Variants in DNAAF11 observed in about 807,000 individuals in gnomAD.
DNAAF11 encodes the protein leucine rich repeat containing 6.
DNAAF11 carries 45 observed loss-of-function variants against 60.8 expected under a neutral mutation model. The ratio of observed to expected loss-of-function variants is 0.74; its 90% CI spans 0.58 to 0.95. The LOEUF (loss-of-function observed/expected upper bound fraction) is 0.95. DNAAF11 is among the 40% of genes least tolerant of loss of function. The pLI is 0.00. For missense variants in DNAAF11, 546 were observed against 546.2 expected, an observed-to-expected ratio of 1.00 and a Z score of 0.00; for synonymous variants, 191 against 183.5, an observed-to-expected ratio of 1.04 and a Z score of -0.33.
At chr8:132,628,353 G>A (rs1054789348) in intron 5 of DNAAF11, among the ~76,000 whole-genome samples, 6 of 151,982 alleles carry the variant, frequency 3.9e-5, no homozygotes, top group African/African-American at 1.2e-4. Context: ...CAGAGATTGC[G>A]GTGAGCCGAG....
intron 11 of DNAAF11, among the ~76,000 whole-genome samples, chr8:132,583,284 G>A (rs976775765): frequency 3.3e-5 from 5 of 152,150 alleles, no homozygotes; most frequent in African/African-American, 1.2e-4. Flanking sequence ...GCATGTCATA[G>A]CTACATGACC....
At chr8:132,673,296 C>A (rs1825368448) in intron 1 of DNAAF11, among the ~76,000 whole-genome samples, 1 of 152,120 alleles carries the variant, frequency 6.6e-6, no homozygotes, top group African/African-American at 2.4e-5. Context: ...TCCTTCCCTG[C>A]CTTAAAAGGC....
intron 11 of DNAAF11, among the ~76,000 whole-genome samples, chr8:132,583,203 G>C (rs1393405050): frequency 6.6e-6 from 1 of 152,070 alleles, no homozygotes; most frequent in Non-Finnish European, 1.5e-5. Context: ...GAGAGTTGAG[G>C]CATCTGTGGA....
Position 132,572,273 on chromosome 8 carries a change from G to A in DNAAF11, c.*33C>T, listed in dbSNP as rs1814269525. 6.3e-7 allele frequency: 1 copy of A among 1,595,470 alleles called. No homozygotes were observed. Among genetic ancestry groups the A allele is most frequent in the Non-Finnish European group, 8.5e-7 (1 of 1,170,752 alleles). On this transcript the variant is annotated 3_prime_UTR_variant, in exon 12 of 12. Transcript: ENST00000620350. Reference sequence around the variant, plus strand: ...TACACCAACCAAAACTGGACCTGGTGGGTCTCAGCCAATGGCAACGCAGCC... The same window carrying A: ...TACACCAACCAAAACTGGACCTGGTAGGTCTCAGCCAATGGCAACGCAGCC...
At chr8:132,629,595 T>C (rs1190792415) in intron 5 of DNAAF11, among the ~76,000 whole-genome samples, 1 of 151,964 alleles carries the variant, frequency 6.6e-6, no homozygotes. Flanking sequence ...GATCCGCCCA[T>C]CTCAGCCTCC....
At chr8:132,597,203 A>G (rs1230397846) in intron 10 of DNAAF11, among the ~76,000 whole-genome samples, 1 of 152,100 alleles carries the variant, frequency 6.6e-6, no homozygotes, top group Non-Finnish European at 1.5e-5. Context: ...ATACAGATTC[A>G]TGGATATAAA....
intron 7 of DNAAF11, among the ~76,000 whole-genome samples, chr8:132,618,688 C>T (rs1819438546): frequency 6.7e-6 from 1 of 150,102 alleles, no homozygotes; most frequent in African/African-American, 2.5e-5. Context: ...CCAAAAAACA[C>T]ATGAAAAAAT....
intron 3 of DNAAF11, among the ~76,000 whole-genome samples, chr8:132,650,722 G>C (rs901849097): frequency 1.3e-5 from 2 of 152,044 alleles, no homozygotes; most frequent in African/African-American, 4.8e-5. Flanking sequence ...GATATATTTG[G>C]GGTAATCTGA....
chr8:132,663,754 G>A (rs964396183), intron 1 of DNAAF11, among the ~76,000 whole-genome samples: 1 of 152,206 alleles, frequency 6.6e-6, no homozygotes, highest in Non-Finnish European at 1.5e-5. Context: ...CTCTGTTCAA[G>A]GGGCTCCAAG....
chr8:132,653,595 A>G (rs1823241544), intron 3 of DNAAF11, among the ~76,000 whole-genome samples: 1 of 152,182 alleles, frequency 6.6e-6, no homozygotes. Flanking sequence ...GGCACATATT[A>G]TATAAAGATG....
chr8:132,649,285 T>C (rs1822748944), intron 3 of DNAAF11, among the ~76,000 whole-genome samples: 1 of 152,224 alleles, frequency 6.6e-6, no homozygotes, highest in South Asian at 2.1e-4. Context: ...CCCTGTTTAA[T>C]AAATGCTGCT....
intron 1 of DNAAF11, 147 bp from the exon 2 acceptor site, chr8:132,661,774 G>C: frequency 1.3e-6 from 1 of 758,948 alleles, no homozygotes; most frequent in East Asian, 2.7e-5. Flanking sequence ...AAGTGAGAGA[G>C]AAAATGGTAC....
At position 132,594,920 on chromosome 8, in the gene DNAAF11, T is replaced by G. The variant is rs1450740006; in HGVS notation, c.1141-11141A>C. Among the ~76,000 whole-genome samples, 3 of 152,108 alleles carry G rather than the reference T, an allele frequency of 2.0e-5. No homozygotes were observed. The East Asian group carries it at 5.8e-4, about 29-fold the overall frequency. ...AATGGGGGTGGTTTCCCCCATGATG[T>G]TCTTGTGATAATGAGTGAATTCTCA... On this transcript the variant is annotated intron_variant, in intron 10 of 11. Transcript: ENST00000620350.
intron 7 of DNAAF11, among the ~76,000 whole-genome samples, chr8:132,620,674 C>T (rs759787609): frequency 1.3e-5 from 2 of 152,138 alleles, no homozygotes; most frequent in African/African-American, 2.4e-5. Flanking sequence ...AACTAAAGCA[C>T]AGCAAGAGAA....
intron 10 of DNAAF11, among the ~76,000 whole-genome samples, chr8:132,595,346 GGGAAAAAAAAAAAAAA>G (rs1487001389): frequency 1.2e-4 from 1 of 8,390 alleles, no homozygotes; most frequent in African/African-American, 6.5e-4. Flanking sequence ...AGAGACAGAG[GGGAAAAAAAAAAAAAA>G]AAAAAAAAAA....
the DNAAF11 span, among the ~76,000 whole-genome samples, chr8:132,702,670 G>C: frequency 6.6e-6 from 1 of 152,192 alleles, no homozygotes; most frequent in Admixed American, 6.5e-5. Context: ...TTGCCTGCAT[G>C]AACTTGTTTA....
At chr8:132,583,281 A>G (rs1815522666) in intron 11 of DNAAF11, among the ~76,000 whole-genome samples, 1 of 152,188 alleles carries the variant, frequency 6.6e-6, no homozygotes, top group African/African-American at 2.4e-5. Flanking sequence ...CCAGCATGTC[A>G]TAGCTACATG....
At chr8:132,634,646 T>A (rs1020555215) in intron 4 of DNAAF11, among the ~76,000 whole-genome samples, 2 of 151,052 alleles carry the variant, frequency 1.3e-5, no homozygotes, top group African/African-American at 4.8e-5. Flanking sequence ...GTAAATACAC[T>A]GATATAAATA....
intron 10 of DNAAF11, among the ~76,000 whole-genome samples, chr8:132,602,885 C>T (rs745382024): frequency 7.2e-5 from 11 of 151,874 alleles, no homozygotes; most frequent in Non-Finnish European, 1.3e-4. Context: ...TGTTACTTAT[C>T]CAAGACAACC....
Sources: gnomAD v4.1 joint callset for allele counts (sites outside exome capture counted in the v4.1 genomes callset) on GRCh38, gnomAD v4.1.1 for gene constraint, MANE v1.5 for transcripts, NCBI Gene and HGNC (gene_info 2026-07-23, HGNC 2026-07-21) for gene names.